FAM118B: variants seen among roughly 807,000 people sequenced by gnomAD.
The protein encoded by FAM118B is protein FAM118B.
A neutral mutation model predicts 38.5 loss-of-function variants in FAM118B; 24 were observed. The observed-to-expected ratio is 0.62, with a 90% CI of 0.45 to 0.88. The LOEUF (loss-of-function observed/expected upper bound fraction) is 0.88, where lower values mean the gene tolerates loss of function less well. Among genes scored for constraint, FAM118B ranks in the 40% least tolerant of loss-of-function variants. The pLI is 0.00. For missense variants in FAM118B, 334 were observed against 420.0 expected (o/e 0.80, Z 1.79); for synonymous variants, 138 against 156.3 (o/e 0.88, Z 0.87).
At position 126,262,396 on chromosome 11, in the gene FAM118B, A is replaced by G. The variant is rs1458426328; in HGVS notation, c.*263A>G. The stretch of plus-strand genomic sequence containing the variant: ...CAGCTCCCAACCCACTCCCCAGGCT[A>G]GACATGCTTGTGTCCACACAGCACA... On this transcript the variant is annotated 3_prime_UTR_variant, in exon 9 of 9. Transcript: ENST00000533050. 5.6e-6 allele frequency: 3 copies of G among 539,294 alleles called. No individual in the cohort carries two copies. In the African/African-American group the frequency reaches 5.7e-5, roughly 10 times the overall value. The allele number at this position is 539,294 out of a possible 1,614,324, so 33.4% of individuals were successfully genotyped here. A position where few individuals can be genotyped will look rare whatever the true frequency, so the allele number is the denominator to read the frequency against.
Position 126,217,296 on chromosome 11 carries a change from A to T in FAM118B, c.-77+5466A>T, listed in dbSNP as rs888343950. On this transcript the variant is annotated intron_variant, in intron 1 of 8. Transcript: ENST00000533050. Reference sequence around the variant, plus strand: ...TTTTCCCCTCATGTTTGGCCTGTTGATTTCTTGTTGTGATAGATTTGTATT... The same window carrying T: ...TTTTCCCCTCATGTTTGGCCTGTTGTTTTCTTGTTGTGATAGATTTGTATT... 3.3e-5 allele frequency among the ~76,000 whole-genome samples: 5 copies of T among 152,032 alleles called. No individual in the cohort carries two copies. In the South Asian group the frequency reaches 1.0e-3, roughly 32 times the overall value.
intron 4 of FAM118B, among the ~76,000 whole-genome samples, chr11:126,248,895 AC>A (rs1158482171): frequency 6.6e-6 from 1 of 152,232 alleles, no homozygotes; most frequent in Non-Finnish European, 1.5e-5. Flanking sequence ...ATCAGATATT[AC>A]ATCACATTAC....
chr11:126,257,712 G>A lies in FAM118B; in HGVS notation c.982+860G>A, dbSNP rs1373654804. The stretch of plus-strand genomic sequence containing the variant: ...GTGTTGATTTTTTGGTTTCTGTATT[G>A]GCATTTTCTATGATGATTATGTATT... On this transcript the variant is annotated intron_variant, in intron 7 of 8. Transcript: ENST00000533050. Among the ~76,000 whole-genome samples, 4 of 149,612 alleles carry A rather than the reference G, an allele frequency of 2.7e-5. No homozygotes were observed. In the East Asian group the frequency reaches 7.9e-4, roughly 30 times the overall value.
intron 3 of FAM118B, among the ~76,000 whole-genome samples, chr11:126,237,518 G>A (rs1478325646): frequency 2.8e-5 from 4 of 143,514 alleles, no homozygotes; most frequent in Non-Finnish European, 4.6e-5. Context: ...GATGACAGGC[G>A]TGAGCCACCC....
chr11:126,241,626 G>A (rs531731514), intron 4 of FAM118B, among the ~76,000 whole-genome samples: 101 of 151,800 alleles, frequency 6.7e-4, no homozygotes, highest in Middle Eastern at 3.4e-3. Flanking sequence ...CTCGCCTCAT[G>A]GCAGCCTCCG....
chr11:126,217,863 T>C (rs1950001073), intron 1 of FAM118B, among the ~76,000 whole-genome samples: 2 of 152,264 alleles, frequency 1.3e-5, no homozygotes, highest in South Asian at 4.1e-4. Context: ...TCTCAGAATG[T>C]TGAAGGCATC....
rs1177049243 is a variant in FAM118B at position 126,255,925 on chromosome 11, C to T, written c.697-642C>T. On this transcript the variant is annotated intron_variant, in intron 6 of 8. Transcript: ENST00000533050. The surrounding 1 kb of genome is among the most constrained non-coding windows in gnomAD (Gnocchi z 4.6). ...GAGCCAAGACCATGCCACTGCACTC[C>T]AGCCTAGGTGGCAGAGCAAGACTCT... Among the ~76,000 whole-genome samples, 1 of 152,078 alleles carries T rather than the reference C, an allele frequency of 6.6e-6. No individual in the cohort carries two copies. The highest frequency in any genetic ancestry group is 1.5e-5 in the Non-Finnish European group (1 of 68,022).
intron 7 of FAM118B, among the ~76,000 whole-genome samples, chr11:126,259,053 T>A (rs1950628195): frequency 6.6e-6 from 1 of 152,232 alleles, no homozygotes; most frequent in Non-Finnish European, 1.5e-5. Context: ...GGATTTTCAG[T>A]ATGGCCAGAG....
chr11:126,243,890 C>T (rs1591518877), intron 4 of FAM118B, among the ~76,000 whole-genome samples: 1 of 137,148 alleles, frequency 7.3e-6, no homozygotes, highest in African/African-American at 2.8e-5. Context: ...GACGACAGAG[C>T]AAGACTCCGT....
In FAM118B at chr11:126,262,360, G is replaced by A. The variant is rs2135231379; in HGVS notation, c.*227G>A. 1 of 569,864 alleles carries A rather than the reference G, an allele frequency of 1.8e-6. No homozygotes were observed. The highest frequency in any genetic ancestry group is 3.0e-5 in the East Asian group (1 of 33,884). 35.3% of individuals were successfully genotyped at this position (569,864 alleles called of 1,614,324 possible). A position where few individuals can be genotyped will look rare whatever the true frequency, so the allele number is the denominator to read the frequency against. ...AAGTTCAAGAATAAAAGCGACAGCA[G>A]GACCCAAATGCAGCTCCCAACCCAC... On this transcript the variant is annotated 3_prime_UTR_variant, in exon 9 of 9. Transcript: ENST00000533050.
At chr11:126,224,085 GTTCTGCACTT>G (rs1950104966) in intron 1 of FAM118B, among the ~76,000 whole-genome samples, 1 of 152,170 alleles carries the variant, frequency 6.6e-6, no homozygotes, top group East Asian at 1.9e-4. Context: ...GGCAGGCACT[GTTCTGCACTT>G]TTAGACTATA....
At chr11:126,236,661 C>T (rs2135160503) in intron 3 of FAM118B, among the ~76,000 whole-genome samples, 1 of 152,210 alleles carries the variant, frequency 6.6e-6, no homozygotes, top group Non-Finnish European at 1.5e-5. Context: ...TGATACTTTC[C>T]ATTACAATGT....
At chr11:126,249,608 G>A (rs1950468599) in intron 4 of FAM118B, among the ~76,000 whole-genome samples, 2 of 151,890 alleles carry the variant, frequency 1.3e-5, no homozygotes, top group East Asian at 2.0e-4. Flanking sequence ...GCAGGCGCCT[G>A]TAATCCCAGC....
intron 7 of FAM118B, 195 bp from the exon 8 acceptor site, chr11:126,261,230 T>G (rs966354751): frequency 1.7e-6 from 1 of 572,192 alleles, no homozygotes; most frequent in Non-Finnish European, 3.1e-6. Context: ...ACTGCTTCCC[T>G]GTTAGGTAAT....
At chr11:126,241,636 G>A (rs1174600008) in intron 4 of FAM118B, among the ~76,000 whole-genome samples, 3 of 151,822 alleles carry the variant, frequency 2.0e-5, no homozygotes, top group Non-Finnish European at 2.9e-5. Flanking sequence ...GGCAGCCTCC[G>A]CCTCCTGGGT....
At chr11:126,214,514 G>GTTTTTTTTTTTTTTTTTTTTTTTTTT (rs71048770) in intron 1 of FAM118B, 3 of 41,500 alleles carry the variant, frequency 7.2e-5, no homozygotes, top group Non-Finnish European at 1.1e-4. Context: ...TTTTTTTTTT[G>GTTTTTTTTTTTTTTTTTTTTTTTTTT]TTTTTTTTTT....
intron 7 of FAM118B, chr11:126,260,806 T>C (rs1419399268): frequency 6.6e-6 from 1 of 152,268 alleles, no homozygotes; most frequent in Non-Finnish European, 1.5e-5. Flanking sequence ...TTTTACTTTT[T>C]CTGAACTATT....
rs77099621 is a variant in FAM118B, at chr11:126,255,674, T to G, written c.697-893T>G. Among the ~76,000 whole-genome samples the G allele has an allele frequency of 0.03, 4,615 of 152,240 alleles. 237 individuals are homozygous for G. Among genetic ancestry groups the G allele is most frequent in the African/African-American group, 0.1 (4,229 of 41,550 alleles). On this transcript the variant is annotated intron_variant, in intron 6 of 8. Coordinates refer to ENST00000533050, the MANE Select transcript of FAM118B (RefSeq NM_024556.4). The surrounding 1 kb of genome is among the most constrained non-coding windows in gnomAD (Gnocchi z 4.6). ...CTTTGCACAATGACCTCTGGGCACA[T>G]AAATCTAAAAAAGTACGCCTGTAAT... is the stretch of plus-strand genomic sequence containing the variant.
At chr11:126,257,763 T>A (rs1039209019) in intron 7 of FAM118B, among the ~76,000 whole-genome samples, 3 of 152,184 alleles carry the variant, frequency 2.0e-5, no homozygotes, top group African/African-American at 7.2e-5. Context: ...AAACTTACTT[T>A]TAGAAATGCT....
Sources: gnomAD v4.1 joint callset for allele counts (sites outside exome capture counted in the v4.1 genomes callset) on GRCh38, gnomAD v4.1.1 for gene constraint, Gnocchi (gnomAD v3.1) non-coding constraint, MANE v1.5 for transcripts, NCBI Gene and HGNC (gene_info 2026-07-23, HGNC 2026-07-21) for gene names.